The following CCNB3 variants were observed in gnomAD, a reference collection of about 807,000 sequenced individuals.
CCNB3 encodes the protein cyclin B3.
A neutral mutation model predicts 68.0 loss-of-function variants in CCNB3; 12 were observed. That is an observed-to-expected ratio of 0.18 (90% confidence interval 0.11 to 0.29). The LOEUF (loss-of-function observed/expected upper bound fraction) is 0.29, where lower values mean the gene tolerates loss of function less well. Ranked by LOEUF, CCNB3 falls within the 10% of genes least tolerant of loss-of-function variation. The pLI is 1.00. For missense variants in CCNB3, 904 were observed against 993.1 expected, an observed-to-expected ratio of 0.91 and a Z score of 1.21; for synonymous variants, 354 against 388.9, an observed-to-expected ratio of 0.91 and a Z score of 1.06.
At chrX:50,332,160 C>T (rs782569708) in intron 8 of CCNB3, among the ~76,000 whole-genome samples, 18 of 111,528 alleles carry the variant, frequency 1.6e-4, no homozygotes, top group African/African-American at 5.2e-4. Context: ...TGCATTTGGG[C>T]ACCCTTTTTC....
chrX:50,297,561 C>T (rs781887352), intron 5 of CCNB3, among the ~76,000 whole-genome samples: 108 of 111,997 alleles, frequency 9.6e-4, no homozygotes, highest in Middle Eastern at 4.6e-3. Flanking sequence ...AGTCAGGTAG[C>T]GTGATGCCTC....
chrX:50,284,310 C>G (rs1269259998), intron 1 of CCNB3, among the ~76,000 whole-genome samples: 1 of 111,109 alleles, frequency 9.0e-6, no homozygotes, highest in Non-Finnish European at 1.9e-5. Context: ...TCCCTAGAAA[C>G]TATGTAAACG....
At chrX:50,311,879 A>C (rs1921481145) in intron 6 of CCNB3, among the ~76,000 whole-genome samples, 1 of 110,829 alleles carries the variant, frequency 9.0e-6, no homozygotes, top group Admixed American at 9.7e-5. Flanking sequence ...GCAATCAGAA[A>C]GTATTTATTC....
intron 1 of CCNB3, among the ~76,000 whole-genome samples, chrX:50,226,030 A>C (rs1935753892): frequency 1.1e-5 from 1 of 93,129 alleles, no homozygotes; most frequent in Non-Finnish European, 2.1e-5. Context: ...AAAAATATAT[A>C]TATAGAATAT....
intron 8 of CCNB3, among the ~76,000 whole-genome samples, chrX:50,333,224 A>C (rs947089300): frequency 2.7e-4 from 30 of 111,559 alleles, no homozygotes; most frequent in African/African-American, 8.8e-4. Flanking sequence ...CCGATTCATA[A>C]GGGCAGTCCA....
intron 1 of CCNB3, among the ~76,000 whole-genome samples, chrX:50,279,263 A>G (rs1218728191): frequency 7.0e-5 from 5 of 71,521 alleles, no homozygotes; most frequent in Non-Finnish European, 1.2e-4. Flanking sequence ...ATATAAATAT[A>G]TAGAGAATAT....
At chrX:50,319,531 T>C (rs1421371553) in intron 8 of CCNB3, among the ~76,000 whole-genome samples, 1 of 111,703 alleles carries the variant, frequency 9.0e-6, no homozygotes, top group Non-Finnish European at 1.9e-5. Context: ...GTTATCTACA[T>C]AGATAATTGA....
In CCNB3 at chrX:50,347,768, G is replaced by A; in HGVS notation, c.3953G>A (p.Gly1318Glu). The change falls in exon 11 of 13, where the codon GGA becomes GAA. Residue 1318 changes from glycine (G) to glutamate (E), a missense_variant. Around this residue, in one of 2 missense-constraint regions of CCNB3, gnomAD observed 285 missense variants for 383.4 expected, o/e 0.74. Coordinates refer to ENST00000376042, the MANE Select transcript of CCNB3 (RefSeq NM_033031.3). Reference sequence around the variant, plus strand: ...CTGGCCCTCTACATGAAGAAGCTCGGATACTGGGTAAACACTTGCGAGATA... The same window carrying A: ...CTGGCCCTCTACATGAAGAAGCTCGAATACTGGGTAAACACTTGCGAGATA... ...LLLALYMKKLGYWVPFLEHYS... is the reference protein window; with the variant it reads ...LLLALYMKKLEYWVPFLEHYS... The A allele has an allele frequency of 1.7e-6, 2 of 1,209,662 alleles. No individual in the cohort carries two copies. Among genetic ancestry groups the A allele is most frequent in the East Asian group, 3.0e-5 (1 of 33,779 alleles).
Position 50,351,591 on chromosome X carries a change from C to T in CCNB3, c.4092-16C>T, listed in dbSNP as rs782361530. The T allele has an allele frequency of 8.4e-7, 1 of 1,195,063 alleles. No homozygotes were observed. The highest frequency in any genetic ancestry group is 1.8e-5 in the South Asian group (1 of 56,398). ...TGCCCTATTCTATGCTGAGGAGACC[C>T]CTCTTCCTTTTGCAGGGTCTTCTTT... On this transcript the variant is annotated splice_polypyrimidine_tract_variant and intron_variant, in intron 12 of 12. Coordinates refer to ENST00000376042, the MANE Select transcript of CCNB3 (RefSeq NM_033031.3).
intron 1 of CCNB3, among the ~76,000 whole-genome samples, chrX:50,226,941 T>C (rs1313384955): frequency 2.6e-5 from 2 of 76,363 alleles, no homozygotes; most frequent in East Asian, 7.2e-4. Context: ...ATAGTATATA[T>C]ATAGAATATA....
chrX:50,212,314 C>T (rs1935496912), intron 1 of CCNB3, among the ~76,000 whole-genome samples: 1 of 111,539 alleles, frequency 9.0e-6, no homozygotes, highest in South Asian at 3.8e-4. Flanking sequence ...TGAAGAATTG[C>T]TAGCATGAGA....
intron 2 of CCNB3, 65 bp from the exon 3 acceptor site, chrX:50,285,062 A>G: frequency 1.6e-6 from 1 of 639,645 alleles, no homozygotes. Context: ...GGTTTTCTCA[A>G]GAATTTTCAG....
intron 5 of CCNB3, among the ~76,000 whole-genome samples, chrX:50,307,631 G>A (rs932387963): frequency 5.5e-5 from 6 of 108,289 alleles, no homozygotes; most frequent in South Asian, 4.0e-4. Flanking sequence ...AATACCCCCC[G>A]TCCACTAAAT....
At position 50,309,829 on chromosome X, in the gene CCNB3, G is replaced by A. The variant is rs1921311313; in HGVS notation, c.1660G>A (p.Asp554Asn). ...SICPELLDFQ[D>N]MIGEDKNSFF... ...CTGTCCAGAACTGTTGGACTTTCAG[G>A]ATATGATTGGTGAAGATAAGAATTC... Residue 554 changes from aspartate (D) to asparagine (N), a missense_variant, in exon 6 of 13, where the codon GAT becomes AAT. By Grantham distance (23) the Asp-to-Asn change is conservative (BLOSUM62 1). Coordinates refer to ENST00000376042, the MANE Select transcript of CCNB3 (RefSeq NM_033031.3). 2 of 1,209,791 alleles carry A rather than the reference G, an allele frequency of 1.7e-6. No individual in the cohort carries two copies. Among genetic ancestry groups the A allele is most frequent in the Non-Finnish European group, 2.2e-6 (2 of 893,860 alleles).
upstream of CCNB3, among the ~76,000 whole-genome samples, chrX:50,203,891 G>A (rs1270152512): frequency 1.8e-5 from 2 of 110,652 alleles, no homozygotes; most frequent in African/African-American, 6.6e-5. Context: ...TTGAGGGGTG[G>A]GCTTGGCTTG....
chrX:50,325,439 G>T (rs1170622603), intron 8 of CCNB3, among the ~76,000 whole-genome samples: 4 of 112,083 alleles, frequency 3.6e-5, no homozygotes, highest in African/African-American at 6.5e-5. Context: ...TTGCCAATCT[G>T]GTCTATTTAT....
chrX:50,226,536 A>G (rs1194156524), intron 1 of CCNB3, among the ~76,000 whole-genome samples: 2 of 76,856 alleles, frequency 2.6e-5, no homozygotes, highest in East Asian at 3.8e-4. Context: ...TATATAGAAT[A>G]TATGAATATA....
chrX:50,226,554 A>T (rs1362667855), intron 1 of CCNB3, among the ~76,000 whole-genome samples: 1 of 78,051 alleles, frequency 1.3e-5, no homozygotes, highest in Non-Finnish European at 2.3e-5. Context: ...ATATATATAG[A>T]ATATATATAT....
At chrX:50,312,189 C>A (rs1417189409) in intron 6 of CCNB3, among the ~76,000 whole-genome samples, 1 of 110,838 alleles carries the variant, frequency 9.0e-6, no homozygotes, top group African/African-American at 3.3e-5. Flanking sequence ...ATGAATTGGG[C>A]CAGATCAAAG....
Sources: allele counts gnomAD v4.1 joint callset (sites outside exome capture counted in the v4.1 genomes callset), GRCh38; gene constraint gnomAD v4.1.1; regional missense constraint gnomAD v4.1.1; transcripts MANE v1.5; gene names NCBI Gene and HGNC (gene_info 2026-07-23, HGNC 2026-07-21).